Variants in PDIA3 observed in about 807,000 individuals in gnomAD.
PDIA3 encodes the protein protein disulfide isomerase family A member 3, also known as protein disulfide-isomerase A3.
In PDIA3, 16 loss-of-function variants were observed where a neutral mutation model predicts 56.9. That is an observed-to-expected ratio of 0.28 (90% CI 0.19 to 0.43). The LOEUF (loss-of-function observed/expected upper bound fraction) is 0.43, where lower values mean the gene tolerates loss of function less well. Ranked by LOEUF, PDIA3 falls within the 20% of genes least tolerant of loss-of-function variation. The pLI is 1.00. For missense variants in PDIA3, 485 were observed against 621.3 expected, an observed-to-expected ratio of 0.78 and a Z score of 2.33; for synonymous variants, 192 against 216.5, an observed-to-expected ratio of 0.89 and a Z score of 0.99.
intron 5 of PDIA3, among the ~76,000 whole-genome samples, chr15:43,764,507 G>T (rs753413968): frequency 3.0e-4 from 45 of 152,094 alleles, no homozygotes; most frequent in Non-Finnish European, 5.3e-4. Context: ...CGCCCTTGTT[G>T]CCCAGGCTGG....
chr15:43,752,292 T>C (rs2086749706), intron 1 of PDIA3, among the ~76,000 whole-genome samples: 1 of 152,178 alleles, frequency 6.6e-6, no homozygotes. Context: ...CCCTTTAAAA[T>C]CCATTTACTA....
chr15:43,759,190 T>G (rs1423511429), intron 3 of PDIA3, among the ~76,000 whole-genome samples: 1 of 151,938 alleles, frequency 6.6e-6, no homozygotes, highest in Non-Finnish European at 1.5e-5. Context: ...CTCGGGAGGC[T>G]GAGGCAGGAG....
At chr15:43,764,776 T>G (rs780811522) in intron 5 of PDIA3, among the ~76,000 whole-genome samples, 15 of 152,128 alleles carry the variant, frequency 9.9e-5, no homozygotes, top group Non-Finnish European at 2.1e-4. Context: ...CCCGCTATTG[T>G]TTCTAAAGGT....
intron 11 of PDIA3, 22 bp from the exon 12 acceptor site, chr15:43,770,497 AAATT>A: frequency 4.4e-6 from 7 of 1,587,136 alleles, no homozygotes; most frequent in Non-Finnish European, 6.1e-6. Context: ...TAACTGCTTG[AAATT>A]AATAAATGTT....
intron 4 of PDIA3, among the ~76,000 whole-genome samples, chr15:43,762,023 T>G (rs989793025): frequency 6.6e-5 from 10 of 152,196 alleles, no homozygotes; most frequent in African/African-American, 1.4e-4. Context: ...TTTATCTTGT[T>G]TTTGCAGCAT....
rs1267316504 is a variant in PDIA3 at position 43,772,309 on chromosome 15, A to T, written c.*1091A>T. Reference sequence around the variant, plus strand: ...TAGGAGCCCTACTTTAGGTGATCCTAGGAACTCCTATGTTCAGAAAAGAAT... The same window carrying T: ...TAGGAGCCCTACTTTAGGTGATCCTTGGAACTCCTATGTTCAGAAAAGAAT... On this transcript the variant is annotated 3_prime_UTR_variant, in exon 13 of 13. Transcript: ENST00000300289. 6.6e-6 allele frequency: 1 copy of T among 152,130 alleles called. No individual in the cohort carries two copies. The highest frequency in any genetic ancestry group is 6.5e-5 in the Admixed American group (1 of 15,282). 9.4% of individuals were successfully genotyped at this position (152,130 alleles called of 1,614,324 possible). A position where few individuals can be genotyped will look rare whatever the true frequency, so the allele number is the denominator to read the frequency against.
At chr15:43,768,166 A>G (rs2086860028) in intron 8 of PDIA3, among the ~76,000 whole-genome samples, 1 of 152,098 alleles carries the variant, frequency 6.6e-6, no homozygotes, top group Non-Finnish European at 1.5e-5. Context: ...ACAAGAGAAA[A>G]TCTTCCTTGT....
intron 4 of PDIA3, among the ~76,000 whole-genome samples, chr15:43,762,479 C>T (rs921114190): frequency 3.3e-5 from 5 of 150,600 alleles, no homozygotes; most frequent in African/African-American, 4.9e-5. Context: ...CCATTGTACT[C>T]CAGCCTGGGC....
chr15:43,771,626 C>CTCTGTAATCTACACTGT lies in PDIA3; in HGVS notation c.*411_*427dup, dbSNP rs1241330500. The stretch of plus-strand genomic sequence containing the variant: ...AGAGCTTTCTTCAGTGATGGAAATG[C>CTCTGTAATCTACACTGT]TCTGTAATCTACACTGTTCAGTACA... On this transcript the variant is annotated 3_prime_UTR_variant, in exon 13 of 13. Transcript: ENST00000300289. 76 of 416,904 alleles carry CTCTGTAATCTACACTGT rather than the reference C, an allele frequency of 1.8e-4. No individual in the cohort carries two copies. In the East Asian group the frequency reaches 2.5e-3, roughly 14 times the overall value. The allele number at this position is 416,904 out of a possible 1,614,324, so 25.8% of individuals were successfully genotyped here. A position where few individuals can be genotyped will look rare whatever the true frequency, so the allele number is the denominator to read the frequency against.
chr15:43,755,887 C>T (rs1461003843), intron 2 of PDIA3, among the ~76,000 whole-genome samples: 1 of 150,258 alleles, frequency 6.7e-6, no homozygotes, highest in African/African-American at 2.5e-5. Context: ...GCACTCCAGC[C>T]TGGGCAACAA....
chr15:43,765,513 T>C lies in PDIA3; in HGVS notation c.666T>C (p.Tyr222=), dbSNP rs2086842515. 1.2e-6 allele frequency: 2 copies of C among 1,613,112 alleles called. No individual in the cohort carries two copies. Among genetic ancestry groups the C allele is most frequent in the Non-Finnish European group, 8.5e-7 (1 of 1,179,300 alleles). The change falls in exon 6 of 13, where the codon TAT becomes TAC. Residue 222 remains tyrosine (Y), a synonymous_variant. Coordinates refer to ENST00000300289, the MANE Select transcript of PDIA3 (RefSeq NM_005313.5). The stretch of plus-strand genomic sequence containing the variant: ...AGTTTGAGGACAAGACTGTGGCATA[T>C]ACAGAGCAAAAAATGACCAGTGGCA... ...TNKFEDKTVA[Y]TEQKMTSGKI... is the part of the protein sequence containing the mutation.
Position 43,771,661 on chromosome 15 carries a change from G to A in PDIA3, c.*443G>A, listed in dbSNP as rs3087657. On this transcript the variant is annotated 3_prime_UTR_variant, in exon 13 of 13. Coordinates refer to ENST00000300289, the MANE Select transcript of PDIA3 (RefSeq NM_005313.5). ...TACACTGTTCAGTACAGGTAGCTAC[G>A]GAGCATCTGAAATATGGCTAGAAAC... is the stretch of plus-strand genomic sequence containing the variant. 259,863 of 398,702 alleles carry A rather than the reference G, an allele frequency of 0.65. 90,248 individuals are homozygous for A. The highest frequency in any genetic ancestry group is 0.72 in the Non-Finnish European group (163,518 of 226,346). 24.7% of individuals were successfully genotyped at this position (398,702 alleles called of 1,614,324 possible). A position where few individuals can be genotyped will look rare whatever the true frequency, so the allele number is the denominator to read the frequency against.
intron 10 of PDIA3, among the ~76,000 whole-genome samples, chr15:43,769,936 A>G (rs891192621): frequency 1.3e-5 from 2 of 152,210 alleles, no homozygotes; most frequent in Non-Finnish European, 2.9e-5. Context: ...ATGGTCCTTC[A>G]TCTTAAAACA....
rs66910403 is a variant in PDIA3, at chr15:43,748,773, A to ATT, written c.167+2079_167+2080dup. Among the ~76,000 whole-genome samples the ATT allele has an allele frequency of 5.9e-3, 847 of 143,394 alleles. 8 individuals are homozygous for ATT. Among genetic ancestry groups the ATT allele is most frequent in the African/African-American group, 0.019 (753 of 39,412 alleles). 94.1% of individuals were successfully genotyped at this position (143,394 alleles called of 152,430 possible). The stretch of plus-strand genomic sequence containing the variant: ...ATTTTTTTTGTGTGTGTGTTTGTGT[A>ATT]TTTTTTTTTTTTTGAGATGGAGTCT... On this transcript the variant is annotated intron_variant, in intron 1 of 12. Transcript: ENST00000300289.
Position 43,772,111 on chromosome 15 carries a change from A to C in PDIA3, c.*893A>C, listed in dbSNP as rs1409288476. 1 of 153,378 alleles carries C rather than the reference A, an allele frequency of 6.5e-6. No individual in the cohort carries two copies. Among genetic ancestry groups the C allele is most frequent in the Non-Finnish European group, 1.5e-5 (1 of 68,864 alleles). The allele number at this position is 153,378 out of a possible 1,614,324, so 9.5% of individuals were successfully genotyped here. A position where few individuals can be genotyped will look rare whatever the true frequency, so the allele number is the denominator to read the frequency against. ...ACTTCCCCTTCAGTAGAACTGGGAA[A>C]GGCAGTACCATTCCTAGTTATGAGT... On this transcript the variant is annotated 3_prime_UTR_variant, in exon 13 of 13. Transcript: ENST00000300289.
In PDIA3 at chr15:43,746,721, C is replaced by G; in HGVS notation, c.167+15C>G. The G allele has an allele frequency of 6.2e-7, 1 of 1,611,730 alleles. No individual in the cohort carries two copies. On this transcript the variant is annotated intron_variant, in intron 1 of 12. Coordinates refer to ENST00000300289, the MANE Select transcript of PDIA3 (RefSeq NM_005313.5). ...TTCGCCCCCTGGTGAGTCCATTCTG[C>G]CGAGGCGGGGGAAGAAAGGCGGGGC...
At chr15:43,765,745 C>T (rs1464971955) in intron 6 of PDIA3, 142 bp from the exon 7 acceptor site, 1 of 919,334 alleles carries the variant, frequency 1.1e-6, no homozygotes, top group Non-Finnish European at 1.7e-6. Flanking sequence ...TGTTGTCATC[C>T]TGTAAGGTAT....
chr15:43,764,368 A>C (rs1438998280), intron 5 of PDIA3, among the ~76,000 whole-genome samples: 1 of 152,230 alleles, frequency 6.6e-6, no homozygotes, highest in African/African-American at 2.4e-5. Flanking sequence ...AACTCGGTCA[A>C]CAGCATTAGT....
intron 3 of PDIA3, among the ~76,000 whole-genome samples, chr15:43,760,519 TAAAAA>T (rs35560156): frequency 2.2e-5 from 3 of 139,512 alleles, no homozygotes; most frequent in Non-Finnish European, 4.6e-5. Context: ...ATGTTTCTGT[TAAAAA>T]AAAAACTTTT....
Sources: gnomAD v4.1 joint callset for allele counts (sites outside exome capture counted in the v4.1 genomes callset) on GRCh38, gnomAD v4.1.1 for gene constraint, MANE v1.5 for transcripts, NCBI Gene and HGNC (gene_info 2026-07-23, HGNC 2026-07-21) for gene names.